Variants in YARS2 observed in about 807,000 individuals in gnomAD.
The protein encoded by YARS2 is tyrosyl-tRNA synthetase 2, also known as tyrosine--tRNA ligase, mitochondrial.
YARS2 carries 38 observed loss-of-function variants against 45.0 expected under a neutral mutation model. The observed-to-expected ratio is 0.84, with a 90% CI of 0.65 to 1.11. The LOEUF (loss-of-function observed/expected upper bound fraction) is 1.11, where lower values mean the gene tolerates loss of function less well. Among genes scored for constraint, YARS2 ranks in the 50% least tolerant of loss-of-function variants. YARS2 has a pLI of 0.00. For synonymous variants in YARS2, 287 were observed against 245.1 expected, an observed-to-expected ratio of 1.17 and a Z score of -1.60; for missense variants, 602 against 599.8, an observed-to-expected ratio of 1.00 and a Z score of -0.04.
Position 32,747,172 on chromosome 12 carries a change from A to G in YARS2, c.*32T>C. The G allele has an allele frequency of 6.2e-7, 1 of 1,609,548 alleles. No homozygotes were observed. Among genetic ancestry groups the G allele is most frequent in the Non-Finnish European group, 8.5e-7 (1 of 1,178,092 alleles). Reference sequence around the variant, plus strand: ...GAGGTCTTGAGAATGAATGATGGGTAAGTTTATTTGGACAACCAGAAGGAC... The same window carrying G: ...GAGGTCTTGAGAATGAATGATGGGTGAGTTTATTTGGACAACCAGAAGGAC... On this transcript the variant is annotated 3_prime_UTR_variant, in exon 5 of 5. Coordinates refer to ENST00000324868, the MANE Select transcript of YARS2 (RefSeq NM_001040436.3).
intron 2 of YARS2, among the ~76,000 whole-genome samples, chr12:32,752,351 A>G (rs1352028072): frequency 1.3e-5 from 2 of 152,196 alleles, no homozygotes; most frequent in African/African-American, 4.8e-5. Flanking sequence ...CACGTCTGTA[A>G]TCAAATAGTG....
intron 1 of YARS2, 48 bp from the exon 2 acceptor site, chr12:32,754,133 G>C (rs1187337664): frequency 1.1e-5 from 18 of 1,609,190 alleles, no homozygotes; most frequent in Non-Finnish European, 1.5e-5. Flanking sequence ...ACAAGTGGTG[G>C]TAGGTTCTAC....
Position 32,755,815 on chromosome 12 carries a change from G to A in YARS2, c.60C>T (p.Leu20=). Residue 20 remains leucine (L), a synonymous_variant, in exon 1 of 5, where the codon CTC becomes CTT. Transcript: ENST00000324868. The part of the protein sequence containing the change: ...SWGRWSGTLN[L]SVLLPLGLRK... ...GCAGCCCCAAGGGCAACAATACTGAGAGATTTAGGGTACCAGACCACCGGC... is the reference window on the plus strand; with the variant it reads ...GCAGCCCCAAGGGCAACAATACTGAAAGATTTAGGGTACCAGACCACCGGC... 6.2e-7 allele frequency: 1 copy of A among 1,613,628 alleles called. No individual in the cohort carries two copies. Among genetic ancestry groups the A allele is most frequent in the East Asian group, 2.2e-5 (1 of 44,862 alleles).
intron 4 of YARS2, among the ~76,000 whole-genome samples, chr12:32,747,756 A>G (rs1955670593): frequency 6.6e-6 from 1 of 152,110 alleles, no homozygotes; most frequent in Non-Finnish European, 1.5e-5. Context: ...GGCTGGTCTC[A>G]AACTCCCAAC....
chr12:32,755,498 G>C lies in YARS2; in HGVS notation c.377C>G (p.Thr126Ser). ...TGTCTCCAGCGCCTCGCGTTCCTTG[G>C]TACGGCCGCTCGGGTCTCCCAGGCG... ...TARLGDPSGR[T>S]KEREALETER... The change falls in exon 1 of 5, where the codon ACC becomes AGC. Residue 126 changes from threonine (T) to serine (S), a missense_variant. By Grantham distance (58) the Thr-to-Ser change is moderately conservative (BLOSUM62 1). Transcript: ENST00000324868. 6.2e-7 allele frequency: 1 copy of C among 1,612,346 alleles called. No individual in the cohort carries two copies. The highest frequency in any genetic ancestry group is 8.5e-7 in the Non-Finnish European group (1 of 1,179,468).
At chr12:32,749,276 C>T (rs1036280420) in intron 4 of YARS2, among the ~76,000 whole-genome samples, 13 of 152,066 alleles carry the variant, frequency 8.5e-5, no homozygotes, top group Non-Finnish European at 2.9e-5. Flanking sequence ...TACATAGGGC[C>T]TCTGTTTCTG....
In YARS2 at chr12:32,754,194, T is replaced by G. The variant is rs1955802757; in HGVS notation, c.780-109A>C. ...GTTACTTGCTCCAGGAAAACTTCCT[T>G]GACCTCCTAAATCTGAATTCTTGTT... On this transcript the variant is annotated intron_variant, in intron 1 of 4. Transcript: ENST00000324868. The G allele has an allele frequency of 6.5e-6, 8 of 1,231,056 alleles. No homozygotes were observed. In the South Asian group the frequency reaches 9.8e-5, roughly 15 times the overall value. The allele number at this position is 1,231,056 out of a possible 1,614,324, so 76.3% of individuals were successfully genotyped here. A position where few individuals can be genotyped will look rare whatever the true frequency, so the allele number is the denominator to read the frequency against.
Position 32,753,917 on chromosome 12 carries a change from C to T in YARS2, c.947+1G>A. 1.2e-6 allele frequency: 2 copies of T among 1,614,184 alleles called. No individual in the cohort carries two copies. The highest frequency in any genetic ancestry group is 2.2e-5 in the East Asian group (1 of 44,886). Reference sequence around the variant, plus strand: ...TTCTCAGCCCATTATTCAGAACTCACCTTTCCACTGAATCGTCCGGTTGCC... The same window carrying T: ...TTCTCAGCCCATTATTCAGAACTCATCTTTCCACTGAATCGTCCGGTTGCC... On this transcript the variant is annotated splice_donor_variant, in intron 2 of 4. Transcript: ENST00000324868. LOFTEE classifies it high-confidence loss of function.
chr12:32,747,097 T>G lies in YARS2; in HGVS notation c.*107A>C, dbSNP rs1439756710. Reference sequence around the variant, plus strand: ...TCACACTGAGTCCTAGTCCATTCTGTTTTTCTGATTTGCATAAGCAAAGGT... The same window carrying G: ...TCACACTGAGTCCTAGTCCATTCTGGTTTTCTGATTTGCATAAGCAAAGGT... On this transcript the variant is annotated 3_prime_UTR_variant, in exon 5 of 5. Transcript: ENST00000324868. 2.0e-5 allele frequency: 23 copies of G among 1,167,114 alleles called. No individual in the cohort carries two copies. Among genetic ancestry groups the G allele is most frequent in the South Asian group, 1.1e-4 (8 of 74,024 alleles). 72.3% of individuals were successfully genotyped at this position (1,167,114 alleles called of 1,614,324 possible).
rs188220316 is a variant in YARS2 at position 32,755,063 on chromosome 12, C to A, written c.779+33G>T. ...GCTACTAGTGTGTAAATTATTTGGT[C>A]CCAGGATTTCCCCAAGGTTTAAAGG... On this transcript the variant is annotated intron_variant, in intron 1 of 4. Transcript: ENST00000324868. 17 of 1,613,786 alleles carry A rather than the reference C, an allele frequency of 1.1e-5. No homozygotes were observed. The East Asian group carries it at 3.3e-4, about 32-fold the overall frequency.
rs201940521 is a variant in YARS2, at chr12:32,755,419, C to T, written c.456G>A (p.Ala152=). Residue 152 remains alanine (A), a synonymous_variant, in exon 1 of 5, where the codon GCG becomes GCA. Transcript: ENST00000324868. ...CAGTGAAAAGCTGCTGGTGATTAGC[C>T]GCCAGGGCCTCAAGCCCTAGGCGCA... ...RALRLGLEAL[A]ANHQQLFTDG... The T allele has an allele frequency of 3.0e-3, 4,853 of 1,613,624 alleles. 42 individuals are homozygous for T. Among genetic ancestry groups the T allele is most frequent in the South Asian group, 0.017 (1,520 of 91,088 alleles).
chr12:32,751,675 C>T lies in YARS2; in HGVS notation c.948-801G>A, dbSNP rs372702999. 1.5e-3 allele frequency among the ~76,000 whole-genome samples: 226 copies of T among 152,298 alleles called. 7 individuals carry two copies. In the South Asian group the frequency reaches 0.045, roughly 30 times the overall value. Reference sequence around the variant, plus strand: ...GAGGGGAGGTGGTTTCAGAATGAAACTGTTCCACTTCAGATCATCAGGCAT... The same window carrying T: ...GAGGGGAGGTGGTTTCAGAATGAAATTGTTCCACTTCAGATCATCAGGCAT... On this transcript the variant is annotated intron_variant, in intron 2 of 4. Transcript: ENST00000324868.
chr12:32,750,211 T>G (rs1218844353), intron 3 of YARS2, 104 bp from the exon 4 acceptor site: 2 of 1,388,316 alleles, frequency 1.4e-6, no homozygotes, highest in Non-Finnish European at 2.0e-6. Context: ...AGACTAAAAG[T>G]TTTTTTTTGA....
chr12:32,755,322 A>G lies in YARS2; in HGVS notation c.553T>C (p.Phe185Leu), dbSNP rs779467403. The G allele has an allele frequency of 3.1e-6, 5 of 1,614,024 alleles. No homozygotes were observed. Among genetic ancestry groups the G allele is most frequent in the Non-Finnish European group, 4.2e-6 (5 of 1,180,042 alleles). The part of the protein sequence containing the change: ...AWYQKQHLVD[F>L]LAAVGGHFRM... Reference sequence around the variant, plus strand: ...AAGTGACCCCCCACTGCCGCCAGGAAGTCCACCAGGTGCTGCTTCTGGTAC... The same window carrying G: ...AAGTGACCCCCCACTGCCGCCAGGAGGTCCACCAGGTGCTGCTTCTGGTAC... The change falls in exon 1 of 5, where the codon TTC (phenylalanine) becomes CTC (leucine). Residue 185 changes from phenylalanine (F) to leucine (L), a missense_variant. By Grantham distance (22) the Phe-to-Leu change is conservative. Coordinates refer to ENST00000324868, the MANE Select transcript of YARS2 (RefSeq NM_001040436.3).
At chr12:32,754,950 TTAACGC>T in intron 1 of YARS2, 140 bp downstream of exon 1, 1 of 1,002,778 alleles carries the variant, frequency 1.0e-6, no homozygotes. Context: ...GCCAGTGTTA[TTAACGC>T]CATTATAGAG....
chr12:32,748,506 A>G (rs757545421), intron 4 of YARS2, among the ~76,000 whole-genome samples: 3 of 152,240 alleles, frequency 2.0e-5, no homozygotes, highest in Non-Finnish European at 4.4e-5. Context: ...TGGCTAAATC[A>G]GATGTGGTGT....
In YARS2 at chr12:32,755,434, C is replaced by G; in HGVS notation, c.441G>C (p.Gly147=). Residue 147 remains glycine (G), a synonymous_variant, in exon 1 of 5, where the codon GGG becomes GGC. Coordinates refer to ENST00000324868, the MANE Select transcript of YARS2 (RefSeq NM_001040436.3). ...VRANARALRL[G]LEALAANHQQ... ...GGTGATTAGCCGCCAGGGCCTCAAG[C>G]CCTAGGCGCAGAGCTCGCGCGTTGG... 6.2e-7 allele frequency: 1 copy of G among 1,613,366 alleles called. No individual in the cohort carries two copies. The highest frequency in any genetic ancestry group is 8.5e-7 in the Non-Finnish European group (1 of 1,179,858).
At position 32,755,285 on chromosome 12, in the gene YARS2, G is replaced by A. The variant is rs1955826362; in HGVS notation, c.590C>T (p.Thr197Met). 6.2e-7 allele frequency: 1 copy of A among 1,614,128 alleles called. No individual in the cohort carries two copies. The highest frequency in any genetic ancestry group is 8.5e-7 in the Non-Finnish European group (1 of 1,180,050). The change falls in exon 1 of 5, where the codon ACG (threonine) becomes ATG (methionine). Residue 197 changes from threonine (T) to methionine (M), a missense_variant. By Grantham distance (81) the Thr-to-Met change is moderately conservative (BLOSUM62 -1). Transcript: ENST00000324868. ...CTGCACGCTCTGCCGGCTCAGCAGC[G>A]TCCCCATGCGGAAGTGACCCCCCAC... Reference protein sequence around the residue: ...AAVGGHFRMGTLLSRQSVQLR... With the variant: ...AAVGGHFRMGMLLSRQSVQLR...
At chr12:32,750,218 T>C in intron 3 of YARS2, 111 bp from the exon 4 acceptor site, 2 of 1,329,282 alleles carry the variant, frequency 1.5e-6, no homozygotes, top group Non-Finnish European at 2.1e-6. Flanking sequence ...AAGTTTTTTT[T>C]TGAGATGGAG....
Sources: gnomAD v4.1 joint callset for allele counts (sites outside exome capture counted in the v4.1 genomes callset) on GRCh38, gnomAD v4.1.1 for gene constraint, MANE v1.5 for transcripts, NCBI Gene and HGNC (gene_info 2026-07-23, HGNC 2026-07-21) for gene names.